TTC23: variants seen among roughly 807,000 people sequenced by gnomAD.
The protein encoded by TTC23 is tetratricopeptide repeat protein 23.
A neutral mutation model predicts 55.1 loss-of-function variants in TTC23; 58 were observed. That is an observed-to-expected ratio of 1.05 (90% CI 0.85 to 1.31). The LOEUF (loss-of-function observed/expected upper bound fraction) is 1.31. Among genes scored for constraint, TTC23 ranks in the 50% most tolerant of loss-of-function variants. The probability of loss-of-function intolerance (pLI) is 0.00; values close to 1 mark genes in which losing one functional copy is unlikely to be tolerated. For synonymous variants in TTC23, 203 were observed against 199.9 expected, an observed-to-expected ratio of 1.02 and a Z score of -0.13; for missense variants, 516 against 534.4, an observed-to-expected ratio of 0.97 and a Z score of 0.34.
intron 4 of TTC23, 139 bp downstream of exon 4, chr15:99,234,846 GTGT>G (rs2079185027): frequency 1.3e-5 from 2 of 152,214 alleles, no homozygotes; most frequent in African/African-American, 4.8e-5. Context: ...ATTGTAGTAA[GTGT>G]TGATGAGGAT....
At chr15:99,251,117 T>C (rs79242092), upstream of TTC23, 1 of 152,340 alleles carries the variant, frequency 6.6e-6, no homozygotes, top group African/African-American at 2.4e-5. Context: ...AACAGGTCAG[T>C]AACTGGCGGT....
At chr15:99,152,600 G>C (rs2069955487) in intron 12 of TTC23, among the ~76,000 whole-genome samples, 1 of 152,086 alleles carries the variant, frequency 6.6e-6, no homozygotes, top group Non-Finnish European at 1.5e-5. Context: ...TCTAACTCCT[G>C]ACCTCAGGTG....
At chr15:99,244,263 C>G (rs1403171544) in intron 2 of TTC23, among the ~76,000 whole-genome samples, 2 of 152,110 alleles carry the variant, frequency 1.3e-5, no homozygotes, top group African/African-American at 4.8e-5. Context: ...CACCTGTAGT[C>G]AAAGTTGTGG....
In TTC23 at chr15:99,215,171, T is replaced by G. The variant is rs567533051; in HGVS notation, c.581+3417A>C. 1.6e-3 allele frequency among the ~76,000 whole-genome samples: 250 copies of G among 152,194 alleles called. 2 individuals are homozygous for G. The highest frequency in any genetic ancestry group is 5.7e-3 in the African/African-American group (238 of 41,530). On this transcript the variant is annotated intron_variant, in intron 8 of 13. Transcript: ENST00000394132. The stretch of plus-strand genomic sequence containing the variant: ...GTGCCTGACCTCCTGCCCATCTTTC[T>G]ATCCAGTTATGTGTTTGTTTAACTG...
At chr15:99,142,085 T>C (rs1703757) in intron 12 of TTC23, among the ~76,000 whole-genome samples, 22,055 of 152,134 alleles carry the variant, frequency 0.14, 1,620 homozygotes, top group Admixed American at 0.16. Flanking sequence ...CTTTAGGCTG[T>C]TGCGACCCTA....
chr15:99,190,257 GT>G lies in TTC23; in HGVS notation c.759+9661del, dbSNP rs71149449. Among the ~76,000 whole-genome samples, 249 of 140,336 alleles carry G rather than the reference GT, an allele frequency of 1.8e-3. 1 individual carries two copies. The highest frequency in any genetic ancestry group is 5.8e-3 in the African/African-American group (223 of 38,218). 92.1% of individuals were successfully genotyped at this position (140,336 alleles called of 152,430 possible). A position where few individuals can be genotyped will look rare whatever the true frequency, so the allele number is the denominator to read the frequency against. ...TGTGGTTACATAAGAAAATATCCTT[GT>G]TTTTTTTTTTTGTTTGTTTTTGTTT... is the stretch of plus-strand genomic sequence containing the variant. On this transcript the variant is annotated intron_variant, in intron 9 of 13. Transcript: ENST00000394132.
intron 9 of TTC23, among the ~76,000 whole-genome samples, chr15:99,183,818 G>A (rs537741925): frequency 3.1e-4 from 47 of 152,278 alleles, no homozygotes; most frequent in African/African-American, 1.1e-3. Flanking sequence ...CTAAGACAAT[G>A]GGGCAAATGT....
At chr15:99,191,053 G>A (rs544760481) in intron 9 of TTC23, among the ~76,000 whole-genome samples, 1 of 152,206 alleles carries the variant, frequency 6.6e-6, no homozygotes, top group Admixed American at 6.5e-5. Context: ...CCAAAGTGCT[G>A]AGATTACAGG....
chr15:99,180,142 G>T (rs1337360135), intron 9 of TTC23, among the ~76,000 whole-genome samples: 1 of 152,004 alleles, frequency 6.6e-6, no homozygotes, highest in Non-Finnish European at 1.5e-5. Flanking sequence ...TTCTCCTCAG[G>T]ATTTATTAAT....
In TTC23 at chr15:99,137,890, A is replaced by G. The variant is rs1198507490; in HGVS notation, c.*120T>C. 2.7e-6 allele frequency: 4 copies of G among 1,491,896 alleles called. No individual in the cohort carries two copies. The highest frequency in any genetic ancestry group is 3.6e-6 in the Non-Finnish European group (4 of 1,101,038). 92.4% of individuals were successfully genotyped at this position (1,491,896 alleles called of 1,614,324 possible). A position where few individuals can be genotyped will look rare whatever the true frequency, so the allele number is the denominator to read the frequency against. On this transcript the variant is annotated 3_prime_UTR_variant, in exon 14 of 14. Coordinates refer to ENST00000394132, the MANE Select transcript of TTC23 (RefSeq NM_001288615.3). ...CTCACTGTTGCATGTTGGGGCCAAC[A>G]GTTGGCCTTGGAAATCTGTATCCTG...
In TTC23 at chr15:99,249,465, C is replaced by T. The variant is rs567903492; in HGVS notation, c.-725G>A. 6.6e-6 allele frequency: 1 copy of T among 152,212 alleles called. No individual in the cohort carries two copies. Among genetic ancestry groups the T allele is most frequent in the South Asian group, 2.1e-4 (1 of 4,828 alleles). The allele number at this position is 152,212 out of a possible 1,614,324, so 9.4% of individuals were successfully genotyped here. A position where few individuals can be genotyped will look rare whatever the true frequency, so the allele number is the denominator to read the frequency against. ...ACAGTTGTCTTGGCAGCGTGATTTG[C>T]CCTCTGGTTCCTGCTTTATCAGTTT... On this transcript the variant is annotated 5_prime_UTR_variant, in exon 1 of 14. Coordinates refer to ENST00000394132, the MANE Select transcript of TTC23 (RefSeq NM_001288615.3).
At chr15:99,199,860 G>T (rs1031850187) in intron 9 of TTC23, 59 bp downstream of exon 9, 4 of 1,493,094 alleles carry the variant, frequency 2.7e-6, no homozygotes, top group African/African-American at 2.8e-5. Context: ...TGTGCCACTT[G>T]TGTCTATGAA....
rs782282136 is a variant in TTC23 at position 99,153,339 on chromosome 15, A to G, written c.1143+2809T>C. ...GGTCTGGCTAGCACATGACTGGCCT[A>G]TTGAAGGTGCCAAGTAACTATTTAC... On this transcript the variant is annotated intron_variant, in intron 12 of 13. Transcript: ENST00000394132. Among the ~76,000 whole-genome samples, 53 of 152,364 alleles carry G rather than the reference A, an allele frequency of 3.5e-4. 1 individual carries two copies. The highest frequency in any genetic ancestry group is 2.4e-3 in the Admixed American group (37 of 15,302).
rs147721671 is a variant in TTC23, at chr15:99,208,678, A to G, written c.582-8582T>C. On this transcript the variant is annotated intron_variant, in intron 8 of 13. Coordinates refer to ENST00000394132, the MANE Select transcript of TTC23 (RefSeq NM_001288615.3). ...GAGCCTTCTGAAGCTCATTGTGAGT[A>G]CACTATTCACATAAAAGAAAAGGCA... Among the ~76,000 whole-genome samples, 19 of 152,182 alleles carry G rather than the reference A, an allele frequency of 1.2e-4. No homozygotes were observed. In the East Asian group the frequency reaches 3.5e-3, roughly 28 times the overall value.
chr15:99,170,339 C>T (rs755993153), intron 10 of TTC23, among the ~76,000 whole-genome samples: 15 of 152,070 alleles, frequency 9.9e-5, no homozygotes, highest in African/African-American at 1.2e-4. Context: ...GCATTTCGCA[C>T]GCAAGCAGGC....
intron 12 of TTC23, among the ~76,000 whole-genome samples, chr15:99,151,919 G>A (rs536431461): frequency 6.6e-6 from 1 of 152,200 alleles, no homozygotes; most frequent in South Asian, 2.1e-4. Context: ...GCCAAGACAC[G>A]TCTCTCTCAG....
At chr15:99,193,356 G>A (rs2075404677) in intron 9 of TTC23, among the ~76,000 whole-genome samples, 1 of 152,164 alleles carries the variant, frequency 6.6e-6, no homozygotes, top group African/African-American at 2.4e-5. Context: ...TGTTGTGGGA[G>A]GGATCTGGTG....
chr15:99,213,110 A>G (rs575523599), intron 8 of TTC23, among the ~76,000 whole-genome samples: 1 of 152,338 alleles, frequency 6.6e-6, no homozygotes, highest in African/African-American at 2.4e-5. Flanking sequence ...GCTTACCTAC[A>G]GAAGTGCATA....
chr15:99,213,897 G>A (rs993655872), intron 8 of TTC23, among the ~76,000 whole-genome samples: 10 of 152,004 alleles, frequency 6.6e-5, no homozygotes, highest in African/African-American at 2.4e-4. Flanking sequence ...ATTTCTATTG[G>A]GTGTATAATT....
Sources: gnomAD v4.1 joint callset for allele counts (sites outside exome capture counted in the v4.1 genomes callset) on GRCh38, gnomAD v4.1.1 for gene constraint, MANE v1.5 for transcripts, NCBI Gene and HGNC (gene_info 2026-07-23, HGNC 2026-07-21) for gene names.